The following RBM26 variants were observed in gnomAD, a reference collection of about 807,000 sequenced individuals.
RBM26 encodes the protein RNA-binding protein 26.
RBM26 carries 30 observed loss-of-function variants against 123.6 expected under a neutral mutation model. The ratio of observed to expected loss-of-function variants is 0.24; its 90% CI spans 0.18 to 0.33. The LOEUF is 0.33. RBM26 is among the 10% of genes least tolerant of loss of function. The probability of loss-of-function intolerance (pLI) is 1.00; values close to 1 mark genes in which losing one functional copy is unlikely to be tolerated. For missense variants in RBM26, 947 were observed against 1,203.6 expected (o/e 0.79, Z 3.15); for synonymous variants, 400 against 404.4 (o/e 0.99, Z 0.13).
chr13:79,322,857 A>G (rs1242654664), intron 20 of RBM26, among the ~76,000 whole-genome samples: 1 of 151,506 alleles, frequency 6.6e-6, no homozygotes, highest in Non-Finnish European at 1.5e-5. Context: ...GTCTGAATCA[A>G]TGTCTAAATT....
chr13:79,360,132 T>G (rs1388331683), intron 9 of RBM26, among the ~76,000 whole-genome samples: 1 of 152,158 alleles, frequency 6.6e-6, no homozygotes, highest in South Asian at 2.1e-4. Flanking sequence ...ATTGTTATAA[T>G]TATTTCATTT....
intron 1 of RBM26, among the ~76,000 whole-genome samples, chr13:79,386,707 C>G (rs932345783): frequency 1.4e-5 from 2 of 139,882 alleles, no homozygotes; most frequent in Admixed American, 1.5e-4. Context: ...ATTGAGTTAT[C>G]TGAGAAAAGA....
chr13:79,398,395 A>G (rs1334004032), intron 1 of RBM26, among the ~76,000 whole-genome samples: 1 of 152,238 alleles, frequency 6.6e-6, no homozygotes, highest in Non-Finnish European at 1.5e-5. Context: ...GCTAAAACAT[A>G]CAGAAAAAAA....
Position 79,371,934 on chromosome 13 carries a change from A to AT in RBM26, c.328-5dup, listed in dbSNP as rs200663693. On this transcript the variant is annotated splice_polypyrimidine_tract_variant and splice_region_variant and intron_variant, in intron 3 of 21. Transcript: ENST00000438737. ...CTCGCTCTTCCTCCTTAGTGATCTG[A>AT]TTAAAAAAAAAAAAAAAAGTGTACA... The AT allele has an allele frequency of 1.6e-3, 2,256 of 1,446,772 alleles. 5 individuals are homozygous for AT. Among genetic ancestry groups the AT allele is most frequent in the African/African-American group, 0.014 (941 of 65,398 alleles). The allele number at this position is 1,446,772 out of a possible 1,614,324, so 89.6% of individuals were successfully genotyped here.
At chr13:79,394,628 C>T (rs984462682) in intron 1 of RBM26, among the ~76,000 whole-genome samples, 13 of 152,084 alleles carry the variant, frequency 8.5e-5, no homozygotes, top group Non-Finnish European at 1.9e-4. Context: ...TAGCAATTAG[C>T]TAAATTTTAT....
intron 1 of RBM26, among the ~76,000 whole-genome samples, chr13:79,401,600 G>T (rs1170360861): frequency 6.6e-6 from 1 of 152,212 alleles, no homozygotes; most frequent in Admixed American, 6.5e-5. Flanking sequence ...GTCACAGCAG[G>T]AGTGTTGGTG....
At chr13:79,328,676 C>A (rs1593961817) in intron 20 of RBM26, among the ~76,000 whole-genome samples, 1 of 68,832 alleles carries the variant, frequency 1.5e-5, no homozygotes, top group Non-Finnish European at 2.8e-5. Context: ...AGAGCCCCTG[C>A]ATTAAGTAAA....
chr13:79,344,210 C>T (rs1226817139), intron 16 of RBM26, 38 bp downstream of exon 16: 1 of 1,270,048 alleles, frequency 7.9e-7, no homozygotes, highest in South Asian at 1.2e-5. Context: ...CAAATTATAA[C>T]ATTTGCAATT....
intron 3 of RBM26, among the ~76,000 whole-genome samples, chr13:79,373,509 A>C (rs2076306540): frequency 3.4e-5 from 1 of 29,592 alleles, no homozygotes; most frequent in African/African-American, 1.7e-4. Flanking sequence ...AAATATACTT[A>C]TTTATATATA....
chr13:79,387,060 C>T (rs909559814), intron 1 of RBM26, among the ~76,000 whole-genome samples: 1 of 151,968 alleles, frequency 6.6e-6, no homozygotes, highest in African/African-American at 2.4e-5. Flanking sequence ...TTTTCTGATA[C>T]GGTTACCACA....
At chr13:79,320,813 A>T in intron 21 of RBM26, 103 bp from the exon 22 acceptor site, 1 of 1,237,178 alleles carries the variant, frequency 8.1e-7, no homozygotes, top group Non-Finnish European at 1.1e-6. Flanking sequence ...AGAGTTGAAT[A>T]CAAAAGGTAT....
intron 6 of RBM26, among the ~76,000 whole-genome samples, chr13:79,367,607 G>C (rs1182095279): frequency 6.6e-6 from 1 of 151,404 alleles, no homozygotes. Context: ...AAAGAGCATG[G>C]CACCTCCCCC....
Position 79,365,605 on chromosome 13 carries a change from A to G in RBM26, c.1390T>C (p.Ser464Pro). 6.2e-7 allele frequency: 1 copy of G among 1,613,730 alleles called. No homozygotes were observed. Among genetic ancestry groups the G allele is most frequent in the Non-Finnish European group, 8.5e-7 (1 of 1,179,730 alleles). The change falls in exon 9 of 22, where the codon TCA becomes CCA. Residue 464 changes from serine to proline, a missense_variant. Ser to Pro is a moderately conservative substitution (Grantham distance 74). Coordinates refer to ENST00000438737, the MANE Select transcript of RBM26 (RefSeq NM_001366735.2). Reference sequence around the variant, plus strand: ...CTGGGTGGCAAATCCATATCCCCTGATGTTAGTCCTATCAAGTTGGGCCTT... The same window carrying G: ...CTGGGTGGCAAATCCATATCCCCTGGTGTTAGTCCTATCAAGTTGGGCCTT... ...AQRPNLIGLT[S>P]GDMDLPPREK...
chr13:79,392,072 CAAT>C (rs35514325), intron 1 of RBM26, among the ~76,000 whole-genome samples: 37 of 129,046 alleles, frequency 2.9e-4, no homozygotes, highest in South Asian at 7.1e-4. Flanking sequence ...ATGTATTATA[CAAT>C]AATACATAAT....
chr13:79,377,157 C>T, intron 3 of RBM26: 1 of 430,376 alleles, frequency 2.3e-6, no homozygotes, highest in South Asian at 4.1e-5. Context: ...TGGCCTCATA[C>T]ACCTTTTCCA....
In RBM26 at chr13:79,337,428, G is replaced by T. The variant is rs563970310; in HGVS notation, c.2533-126C>A. The T allele has an allele frequency of 6.3e-5, 69 of 1,088,838 alleles. No homozygotes were observed. In the African/African-American group the frequency reaches 9.0e-4, roughly 14 times the overall value. The allele number at this position is 1,088,838 out of a possible 1,614,324, so 67.4% of individuals were successfully genotyped here. ...AATGTATTCAAATGCCCTATAAAAG[G>T]ATCACATAATTTAAATTGGGGTTTT... On this transcript the variant is annotated intron_variant, in intron 18 of 21. Transcript: ENST00000438737.
At chr13:79,320,881 TTC>T (rs1468235596) in intron 21 of RBM26, among the ~76,000 whole-genome samples, 171 bp from the exon 22 acceptor site, 7 of 151,312 alleles carry the variant, frequency 4.6e-5, no homozygotes, top group Non-Finnish European at 7.4e-5. Context: ...ACTCAATGGT[TTC>T]TCTATATGAT....
At chr13:79,342,139 G>C (rs1479155123) in intron 17 of RBM26, among the ~76,000 whole-genome samples, 1 of 151,694 alleles carries the variant, frequency 6.6e-6, no homozygotes, top group African/African-American at 2.4e-5. Context: ...TGTTGGGTTT[G>C]AATTTAAAAT....
intron 20 of RBM26, among the ~76,000 whole-genome samples, chr13:79,327,171 C>T (rs973371936): frequency 2.0e-5 from 3 of 151,720 alleles, no homozygotes; most frequent in Non-Finnish European, 2.9e-5. Context: ...CGGCGTGTGC[C>T]TATAGTCCCA....
Sources: gnomAD v4.1 joint callset for allele counts (sites outside exome capture counted in the v4.1 genomes callset) on GRCh38, gnomAD v4.1.1 for gene constraint, MANE v1.5 for transcripts, NCBI Gene and HGNC (gene_info 2026-07-23, HGNC 2026-07-21) for gene names.